Variants in TRIM8 observed in about 807,000 individuals in gnomAD.
The protein encoded by TRIM8 is E3 ubiquitin-protein ligase TRIM8.
In TRIM8, 9 loss-of-function variants were observed where a neutral mutation model predicts 55.7. That is an observed-to-expected ratio of 0.16 (90% CI 0.10 to 0.28). The LOEUF is 0.28. Ranked by LOEUF, TRIM8 falls within the 10% of genes least tolerant of loss-of-function variation. The pLI is 1.00. For synonymous variants in TRIM8, 335 were observed against 333.3 expected (o/e 1.01, Z -0.06); for missense variants, 556 against 736.4 (o/e 0.76, Z 2.83).
intron 1 of TRIM8, among the ~76,000 whole-genome samples, chr10:102,649,481 C>T (rs1173371133): frequency 3.9e-5 from 6 of 152,216 alleles, no homozygotes; most frequent in Non-Finnish European, 8.8e-5. Context: ...TGGGCCCCTG[C>T]CCCGGGCCGA....
At position 102,656,692 on chromosome 10, in the gene TRIM8, G is replaced by C. The variant is rs1281064187; in HGVS notation, c.1049-55G>C. On this transcript the variant is annotated intron_variant, in intron 5 of 5. Coordinates refer to ENST00000643721, the MANE Select transcript of TRIM8 (RefSeq NM_030912.3). The surrounding 1 kb of genome is among the most constrained non-coding windows in gnomAD (Gnocchi z 4.6). ...CCCCAGGTCCAACCCAGGGAGAGGA[G>C]GCCTGGGTTGCTTGGGGTGGGAGCT... 2 of 1,505,834 alleles carry C rather than the reference G, an allele frequency of 1.3e-6. No homozygotes were observed. The highest frequency in any genetic ancestry group is 2.3e-5 in the East Asian group (1 of 43,530). The allele number at this position is 1,505,834 out of a possible 1,614,324, so 93.3% of individuals were successfully genotyped here. A position where few individuals can be genotyped will look rare whatever the true frequency, so the allele number is the denominator to read the frequency against.
At position 102,656,991 on chromosome 10, in the gene TRIM8, C is replaced by T; in HGVS notation, c.1293C>T (p.Gly431=). Residue 431 remains glycine, a synonymous_variant, in exon 6 of 6, where the codon GGC becomes GGT. Coordinates refer to ENST00000643721, the MANE Select transcript of TRIM8 (RefSeq NM_030912.3). The surrounding 1 kb of genome is among the most constrained non-coding windows in gnomAD (Gnocchi z 4.6). ...AGCACTTGGTGGCCCTGCCGGGCGG[C>T]GCCCAACCAGTGCACTCAAGCCCCG... ...STQHLVALPG[G]AQPVHSSPVF... is the part of the protein sequence containing the mutation. 1.9e-6 allele frequency: 3 copies of T among 1,612,356 alleles called. No individual in the cohort carries two copies. Among genetic ancestry groups the T allele is most frequent in the Non-Finnish European group, 2.5e-6 (3 of 1,179,758 alleles).
intron 2 of TRIM8, 56 bp downstream of exon 2, chr10:102,654,804 G>A: frequency 7.6e-7 from 1 of 1,314,924 alleles, no homozygotes; most frequent in Non-Finnish European, 1.1e-6. Context: ...GCAGGGCTTT[G>A]GGTGAGTTCC....
At chr10:102,654,547 C>T (rs2135982835) in intron 1 of TRIM8, 106 bp from the exon 2 acceptor site, 1 of 909,454 alleles carries the variant, frequency 1.1e-6, no homozygotes, top group South Asian at 1.4e-5. Context: ...AGGCTTGGTG[C>T]CATCGGGTCA....
rs1292232096 is a variant in TRIM8 at position 102,657,878 on chromosome 10, C to T, written c.*524C>T. The T allele has an allele frequency of 6.6e-6, 1 of 152,450 alleles. No individual in the cohort carries two copies. Among genetic ancestry groups the T allele is most frequent in the Non-Finnish European group, 1.5e-5 (1 of 68,086 alleles). The allele number at this position is 152,450 out of a possible 1,614,324, so 9.4% of individuals were successfully genotyped here. On this transcript the variant is annotated 3_prime_UTR_variant, in exon 6 of 6. Transcript: ENST00000643721. ...TTTTGTTTTTTTAAATTTTTTTAAA[C>T]CAAGAATGATTTCTCCTGCTTCCTT...
intron 3 of TRIM8, 113 bp from the exon 4 acceptor site, chr10:102,655,993 G>A (rs1309254744): frequency 1.1e-5 from 17 of 1,495,500 alleles, no homozygotes; most frequent in African/African-American, 4.1e-5. Context: ...CAGAATGAGA[G>A]GATCCACCCA....
At chr10:102,649,685 C>G (rs2063964980) in intron 1 of TRIM8, among the ~76,000 whole-genome samples, 1 of 152,256 alleles carries the variant, frequency 6.6e-6, no homozygotes, top group African/African-American at 2.4e-5. Flanking sequence ...GTCTGCCGGG[C>G]TCGCATCTGA....
At chr10:102,652,193 A>T (rs1252614025) in intron 1 of TRIM8, among the ~76,000 whole-genome samples, 2 of 152,176 alleles carry the variant, frequency 1.3e-5, no homozygotes, top group East Asian at 3.9e-4. Flanking sequence ...TCACCCCCAC[A>T]CTTCCTCCTG....
At position 102,655,233 on chromosome 10, in the gene TRIM8, G is replaced by A; in HGVS notation, c.820G>A (p.Glu274Lys). 1 of 1,604,382 alleles carries A rather than the reference G, an allele frequency of 6.2e-7. No homozygotes were observed. Among genetic ancestry groups the A allele is most frequent in the Non-Finnish European group, 8.5e-7 (1 of 1,177,460 alleles). The change falls in exon 3 of 6, where the codon GAG (glutamate) becomes AAG (lysine). Residue 274 changes from glutamate (E) to lysine (K), a missense_variant. Transcript: ENST00000643721. ...CGCAGCGCAGGCGCTGCACCTCGGGGAGCGCATGCAGGAGGCCAAGAAGCT... is the reference window on the plus strand; with the variant it reads ...CGCAGCGCAGGCGCTGCACCTCGGGAAGCGCATGCAGGAGGCCAAGAAGCT... ...ENAAQALHLG[E>K]RMQEAKKLLG...
intron 1 of TRIM8, among the ~76,000 whole-genome samples, chr10:102,647,779 T>G (rs960247290): frequency 6.6e-6 from 1 of 151,868 alleles, no homozygotes; most frequent in African/African-American, 2.4e-5. Flanking sequence ...GTGCGTCCTC[T>G]TCTGCCCTCC....
chr10:102,650,744 G>C (rs1229024313), intron 1 of TRIM8, among the ~76,000 whole-genome samples: 3 of 152,202 alleles, frequency 2.0e-5, no homozygotes, highest in African/African-American at 7.2e-5. Context: ...TTTTTCCCAG[G>C]TGGGAAGTGG....
intron 1 of TRIM8, among the ~76,000 whole-genome samples, chr10:102,650,639 G>A (rs569672968): frequency 1.2e-3 from 186 of 152,284 alleles, no homozygotes; most frequent in Non-Finnish European, 2.3e-3. Flanking sequence ...GGGATGGGGC[G>A]GTGGCATGTG....
chr10:102,657,452 C>G lies in TRIM8; in HGVS notation c.*98C>G. On this transcript the variant is annotated 3_prime_UTR_variant, in exon 6 of 6. Transcript: ENST00000643721. The stretch of plus-strand genomic sequence containing the variant: ...ACCTGCCCTTCTACCTTCCTCGCCT[C>G]CCCTCTTCCTCATTCCATTGCCCCA... 1.4e-6 allele frequency: 2 copies of G among 1,393,262 alleles called. No individual in the cohort carries two copies. The highest frequency in any genetic ancestry group is 1.9e-6 in the Non-Finnish European group (2 of 1,039,138). The allele number at this position is 1,393,262 out of a possible 1,614,324, so 86.3% of individuals were successfully genotyped here.
chr10:102,657,002 T>C lies in TRIM8; in HGVS notation c.1304T>C (p.Val435Ala). ...LVALPGGAQPVHSSPVFPPSQ... is the reference protein window; with the variant it reads ...LVALPGGAQPAHSSPVFPPSQ... ...GCCCTGCCGGGCGGCGCCCAACCAG[T>C]GCACTCAAGCCCCGTGTTCCCCCCA... Residue 435 changes from valine (V) to alanine (A), a missense_variant, in exon 6 of 6, where the codon GTG (valine) becomes GCG (alanine). Coordinates refer to ENST00000643721, the MANE Select transcript of TRIM8 (RefSeq NM_030912.3). 1 of 1,612,598 alleles carries C rather than the reference T, an allele frequency of 6.2e-7. No homozygotes were observed. Among genetic ancestry groups the C allele is most frequent in the South Asian group, 1.1e-5 (1 of 91,074 alleles).
intron 1 of TRIM8, among the ~76,000 whole-genome samples, chr10:102,649,978 C>CGGGCAGGGACCT (rs1266165291): frequency 5.3e-5 from 8 of 151,820 alleles, no homozygotes; most frequent in Non-Finnish European, 8.8e-5. Flanking sequence ...TGGAGCTGGC[C>CGGGCAGGGACCT]GGGCAGGGAC....
chr10:102,646,591 A>G (rs2063937529), intron 1 of TRIM8, among the ~76,000 whole-genome samples: 1 of 152,146 alleles, frequency 6.6e-6, no homozygotes, highest in South Asian at 2.1e-4. Flanking sequence ...TTCCAATCGG[A>G]TGGACTAGCC....
chr10:102,655,329 G>T lies in TRIM8; in HGVS notation c.900+16G>T. Reference sequence around the variant, plus strand: ...CTTCATGAAGGTGGGCTGGGCTCAGGACCAGGCTGGTGGCACCCAGAGGGC... The same window carrying T: ...CTTCATGAAGGTGGGCTGGGCTCAGTACCAGGCTGGTGGCACCCAGAGGGC... On this transcript the variant is annotated intron_variant, in intron 3 of 5. Transcript: ENST00000643721. 2 of 1,586,190 alleles carry T rather than the reference G, an allele frequency of 1.3e-6. No individual in the cohort carries two copies. The highest frequency in any genetic ancestry group is 1.7e-6 in the Non-Finnish European group (2 of 1,170,162).
Position 102,656,571 on chromosome 10 carries a change from C to T in TRIM8, c.1049-176C>T. 7.6e-7 allele frequency: 1 copy of T among 1,308,676 alleles called. No homozygotes were observed. The highest frequency in any genetic ancestry group is 1.0e-6 in the Non-Finnish European group (1 of 968,230). The allele number at this position is 1,308,676 out of a possible 1,614,324, so 81.1% of individuals were successfully genotyped here. A position where few individuals can be genotyped will look rare whatever the true frequency, so the allele number is the denominator to read the frequency against. The stretch of plus-strand genomic sequence containing the variant: ...ACCTCCCCAGCCTCCATTTCTTCAG[C>T]TTAAAGTGGGGATATAACTATTCTG... On this transcript the variant is annotated intron_variant, in intron 5 of 5. Transcript: ENST00000643721. The surrounding 1 kb of genome is among the most constrained non-coding windows in gnomAD (Gnocchi z 4.6).
intron 1 of TRIM8, among the ~76,000 whole-genome samples, chr10:102,648,767 G>A (rs2063956215): frequency 6.6e-6 from 1 of 152,182 alleles, no homozygotes. Context: ...CCATACTCCT[G>A]CAGGGGTGTG....
Sources: allele counts gnomAD v4.1 joint callset (sites outside exome capture counted in the v4.1 genomes callset), GRCh38; gene constraint gnomAD v4.1.1; non-coding constraint Gnocchi (gnomAD v3.1); transcripts MANE v1.5; gene names NCBI Gene and HGNC (gene_info 2026-07-23, HGNC 2026-07-21).